KCNN2: variants seen among roughly 807,000 people sequenced by gnomAD.
KCNN2 encodes the protein potassium calcium-activated channel subfamily N member 2.
In KCNN2, 24 loss-of-function variants were observed where a neutral mutation model predicts 55.5. The ratio of observed to expected loss-of-function variants is 0.43; its 90% CI spans 0.31 to 0.61. The LOEUF (loss-of-function observed/expected upper bound fraction) is 0.61, where lower values mean the gene tolerates loss of function less well. Among genes scored for constraint, KCNN2 ranks in the 20% least tolerant of loss-of-function variants. KCNN2 has a pLI of 0.08. For missense variants in KCNN2, 754 were observed against 853.6 expected (o/e 0.88, Z 1.45); for synonymous variants, 431 against 336.1 (o/e 1.28, Z -3.09).
chr5:114,300,843 G>C (rs1459854220), intron 2 of KCNN2, among the ~76,000 whole-genome samples: 1 of 152,088 alleles, frequency 6.6e-6, no homozygotes, highest in Non-Finnish European at 1.5e-5. Flanking sequence ...TCTGCTCTAA[G>C]GTCAATGAAC....
intron 1 of KCNN2, among the ~76,000 whole-genome samples, chr5:114,187,394 G>A (rs1245276500): frequency 1.3e-5 from 2 of 151,470 alleles, no homozygotes; most frequent in Non-Finnish European, 2.9e-5. Flanking sequence ...TGAAAGGAGA[G>A]AAAAATATTT....
intron 1 of KCNN2, among the ~76,000 whole-genome samples, chr5:114,154,032 GTTCT>G (rs1313396203): frequency 6.6e-6 from 1 of 152,140 alleles, no homozygotes; most frequent in Admixed American, 6.6e-5. Flanking sequence ...CTGGCCCCAG[GTTCT>G]TGCAGTATCA....
At chr5:114,299,945 A>T (rs531645851) in intron 2 of KCNN2, among the ~76,000 whole-genome samples, 80 of 152,178 alleles carry the variant, frequency 5.3e-4, no homozygotes, top group Non-Finnish European at 9.0e-4. Context: ...TTACCTGTTT[A>T]TTCAGAAGTC....
At chr5:114,074,329 T>TGTGTGC (rs1200712655) in intron 1 of KCNN2, among the ~76,000 whole-genome samples, 4,374 of 138,540 alleles carry the variant, frequency 0.032, 183 homozygotes, top group African/African-American at 0.099. Context: ...TGTGTGTGTG[T>TGTGTGC]GCGCGCGCGC....
intron 3 of KCNN2, among the ~76,000 whole-genome samples, chr5:114,453,998 G>A (rs1031821789): frequency 2.6e-5 from 4 of 151,838 alleles, no homozygotes; most frequent in Admixed American, 6.6e-5. Flanking sequence ...AGTAGGCCCC[G>A]GTATGTGATG....
At chr5:114,476,381 C>G (rs570140525) in intron 5 of KCNN2, among the ~76,000 whole-genome samples, 1 of 151,410 alleles carries the variant, frequency 6.6e-6, no homozygotes, top group East Asian at 1.9e-4. Flanking sequence ...CTCTTGAGAC[C>G]GGAGTCTCTT....
intron 3 of KCNN2, among the ~76,000 whole-genome samples, chr5:114,462,285 A>G (rs1390180517): frequency 6.6e-6 from 1 of 152,186 alleles, no homozygotes; most frequent in African/African-American, 2.4e-5. Flanking sequence ...TTTCTTCCTT[A>G]CCAGTAAAAT....
At chr5:114,451,865 C>A (rs1760705930) in intron 3 of KCNN2, among the ~76,000 whole-genome samples, 1 of 151,366 alleles carries the variant, frequency 6.6e-6, no homozygotes. Flanking sequence ...CCACTACACT[C>A]CAGCCTGGGT....
Position 114,153,044 on chromosome 5 carries a change from G to A in KCNN2, c.-270-68436G>A, listed in dbSNP as rs544406500. Among the ~76,000 whole-genome samples the A allele has an allele frequency of 3.3e-5, 5 of 152,264 alleles. No individual in the cohort carries two copies. In the South Asian group the frequency reaches 1.0e-3, roughly 32 times the overall value. On this transcript the variant is annotated intron_variant, in intron 1 of 10. Coordinates refer to the KCNN2 transcript ENST00000512097. ...TTCATATTGACGAGATAAGATTTGG[G>A]GAGTGAGCAGTGAGACAAGACTAAA...
intron 1 of KCNN2, among the ~76,000 whole-genome samples, chr5:114,183,993 A>G (rs1753284172): frequency 6.6e-6 from 1 of 152,188 alleles, no homozygotes; most frequent in Non-Finnish European, 1.5e-5. Flanking sequence ...GCTGAAAGAT[A>G]TATGCCTTGA....
intron 1 of KCNN2, among the ~76,000 whole-genome samples, chr5:114,214,320 G>T (rs1225676145): frequency 6.6e-6 from 1 of 151,788 alleles, no homozygotes; most frequent in East Asian, 1.9e-4. Flanking sequence ...AGTAGATGAC[G>T]GGCTTGATTT....
intron 5 of KCNN2, 105 bp from the exon 6 acceptor site, chr5:114,486,945 G>A (rs1023856560): frequency 1.3e-4 from 183 of 1,363,574 alleles, no homozygotes; most frequent in Non-Finnish European, 1.6e-4. Context: ...ACTAAATGAA[G>A]CTACAGCTCA....
chr5:114,286,813 T>G (rs1247558401), intron 2 of KCNN2, among the ~76,000 whole-genome samples: 1 of 152,184 alleles, frequency 6.6e-6, no homozygotes, highest in South Asian at 2.1e-4. Flanking sequence ...TTCCATTTAC[T>G]GATATAGAAA....
rs113543628 is a variant in KCNN2, at chr5:114,065,818, A to T, written c.-271+9318A>T. 1.3e-3 allele frequency among the ~76,000 whole-genome samples: 178 copies of T among 135,822 alleles called. 2 individuals carry two copies. Among genetic ancestry groups the T allele is most frequent in the African/African-American group, 4.6e-3 (173 of 37,248 alleles). The allele number at this position is 135,822 out of a possible 152,430, so 89.1% of individuals were successfully genotyped here. A position where few individuals can be genotyped will look rare whatever the true frequency, so the allele number is the denominator to read the frequency against. Reference sequence around the variant, plus strand: ...AGCAAGATACCAGTGAGTTGTTGCTAAGAGCTTTTAGCTATTCTCCTATGC... The same window carrying T: ...AGCAAGATACCAGTGAGTTGTTGCTTAGAGCTTTTAGCTATTCTCCTATGC... On this transcript the variant is annotated intron_variant, in intron 1 of 10. Coordinates refer to the KCNN2 transcript ENST00000512097.
At chr5:114,323,894 G>A (rs143356364) in intron 2 of KCNN2, among the ~76,000 whole-genome samples, 67 of 151,796 alleles carry the variant, frequency 4.4e-4, no homozygotes, top group East Asian at 2.5e-3. Flanking sequence ...TGATATGCCC[G>A]CCTTGGCCTC....
rs541821718 is a variant in KCNN2 at position 114,274,487 on chromosome 5, T to G, written c.-185+52922T>G. 5.3e-5 allele frequency among the ~76,000 whole-genome samples: 8 copies of G among 152,340 alleles called. No individual in the cohort carries two copies. The South Asian group carries it at 1.7e-3, about 32-fold the overall frequency. ...CCATGAGCATGGAATGTTTTTCGAT[T>G]TGTTTGTGTCCTCCTTTATTTTGTT... On this transcript the variant is annotated intron_variant, in intron 2 of 10. Coordinates refer to the KCNN2 transcript ENST00000512097.
At chr5:114,118,723 G>A (rs1399834295) in intron 1 of KCNN2, among the ~76,000 whole-genome samples, 1 of 151,992 alleles carries the variant, frequency 6.6e-6, no homozygotes, top group Non-Finnish European at 1.5e-5. Flanking sequence ...GGCATCCTGT[G>A]GCCCAGTCAG....
intron 2 of KCNN2, among the ~76,000 whole-genome samples, chr5:114,285,031 C>A (rs1432591263): frequency 6.6e-6 from 1 of 151,228 alleles, no homozygotes; most frequent in Non-Finnish European, 1.5e-5. Context: ...GCCTGTAATC[C>A]CAGGACTTTG....
At chr5:114,255,878 A>C (rs1411620188) in intron 2 of KCNN2, among the ~76,000 whole-genome samples, 1 of 152,160 alleles carries the variant, frequency 6.6e-6, no homozygotes, top group African/African-American at 2.4e-5. Flanking sequence ...TTATCAATTT[A>C]GGGTACAATT....
Sources: allele counts gnomAD v4.1 joint callset (sites outside exome capture counted in the v4.1 genomes callset), GRCh38; gene constraint gnomAD v4.1.1; transcripts MANE v1.5; gene names NCBI Gene and HGNC (gene_info 2026-07-23, HGNC 2026-07-21).